The following GRAMD1B variants were observed in gnomAD, a reference collection of about 807,000 sequenced individuals.
The protein encoded by GRAMD1B is GRAM domain containing 1B, also known as protein Aster-B.
Under a neutral mutation model 99.7 loss-of-function variants are expected in GRAMD1B, and 37 were observed. The observed-to-expected ratio is 0.37, with a 90% CI of 0.29 to 0.49. The LOEUF (loss-of-function observed/expected upper bound fraction) is 0.49, where lower values mean the gene tolerates loss of function less well. Ranked by LOEUF, GRAMD1B falls within the 20% of genes least tolerant of loss-of-function variation. The pLI, the probability that GRAMD1B is intolerant of heterozygous loss-of-function variation, is 0.98. For missense variants in GRAMD1B, 888 were observed against 1,009.2 expected (o/e 0.88, Z 1.63); for synonymous variants, 427 against 387.6 (o/e 1.10, Z -1.19).
chr11:123,496,204 C>G (rs1161189939), intron 2 of GRAMD1B, among the ~76,000 whole-genome samples: 1 of 152,018 alleles, frequency 6.6e-6, no homozygotes, highest in Non-Finnish European at 1.5e-5. Context: ...CTCCCTTGTG[C>G]TTAAAGGTTA....
chr11:123,378,334 C>G (rs1377205974), intron 1 of GRAMD1B, among the ~76,000 whole-genome samples: 1 of 152,174 alleles, frequency 6.6e-6, no homozygotes, highest in Non-Finnish European at 1.5e-5. Context: ...TCTGCTACTC[C>G]CTAGCTGAAT....
intron 1 of GRAMD1B, among the ~76,000 whole-genome samples, chr11:123,448,459 A>G (rs181213416): frequency 9.5e-4 from 145 of 152,248 alleles, no homozygotes; most frequent in African/African-American, 3.2e-3. Context: ...GTCTCAAGCA[A>G]TTCGCCCGCC....
In GRAMD1B at chr11:123,430,969, G is replaced by C. The variant is rs1311615078; in HGVS notation, c.177G>C (p.Gly59=). The C allele has an allele frequency of 1.4e-6, 1 of 702,716 alleles. No individual in the cohort carries two copies. The highest frequency in any genetic ancestry group is 1.7e-5 in the African/African-American group (1 of 57,266). The allele number at this position is 702,716 out of a possible 1,614,324, so 43.5% of individuals were successfully genotyped here. The change falls in exon 1 of 20, where the codon GGG becomes GGC. Residue 59 remains glycine (G), a synonymous_variant. Coordinates refer to ENST00000635736, the MANE Select transcript of GRAMD1B (RefSeq NM_001387025.1). The part of the protein sequence containing the change: ...KNVQEQSLEA[G]LARDLPAVLA... The stretch of plus-strand genomic sequence containing the variant: ...TACAGGAGCAGAGCCTGGAGGCCGG[G>C]CTGGCCCGGGACCTGCCCGCCGTCT...
At chr11:123,453,318 A>G (rs1382704679) in intron 1 of GRAMD1B, among the ~76,000 whole-genome samples, 1 of 151,910 alleles carries the variant, frequency 6.6e-6, no homozygotes, top group Non-Finnish European at 1.5e-5. Context: ...ATATGCAAGT[A>G]TATATATCTT....
At position 123,430,531 on chromosome 11, in the gene GRAMD1B, G is replaced by C; in HGVS notation, c.-262G>C. 2.3e-6 allele frequency: 1 copy of C among 436,496 alleles called. No homozygotes were observed. The allele number at this position is 436,496 out of a possible 1,614,324, so 27.0% of individuals were successfully genotyped here. A position where few individuals can be genotyped will look rare whatever the true frequency, so the allele number is the denominator to read the frequency against. On this transcript the variant is annotated 5_prime_UTR_variant, in exon 1 of 20. Coordinates refer to ENST00000635736, the MANE Select transcript of GRAMD1B (RefSeq NM_001387025.1). The stretch of plus-strand genomic sequence containing the variant: ...GAGGGCTGCCGAGTGGCTGGCAGGC[G>C]GCTCCCGCCCCTCCCGGGTGGCCTC...
chr11:123,413,387 A>G (rs115084059), intron 1 of GRAMD1B, among the ~76,000 whole-genome samples: 1,757 of 152,240 alleles, frequency 0.012, 39 homozygotes, highest in African/African-American at 0.039. Flanking sequence ...CCTTCATTGC[A>G]TTAATGGCAG....
At chr11:123,479,371 A>G (rs1951467293) in intron 1 of GRAMD1B, among the ~76,000 whole-genome samples, 1 of 152,230 alleles carries the variant, frequency 6.6e-6, no homozygotes, top group African/African-American at 2.4e-5. Flanking sequence ...ACACTGGAGC[A>G]AGCACTTGCT....
intron 7 of GRAMD1B, chr11:123,598,269 C>T (rs1951533158): frequency 2.2e-6 from 3 of 1,352,642 alleles, no homozygotes; most frequent in East Asian, 4.6e-5. Context: ...GCATATACAG[C>T]CAGTAGGGAA....
chr11:123,467,220 C>T (rs557355924), intron 1 of GRAMD1B, among the ~76,000 whole-genome samples: 3 of 152,018 alleles, frequency 2.0e-5, no homozygotes, highest in African/African-American at 4.8e-5. Context: ...TGGTGGCTTT[C>T]GCCTGTAATC....
chr11:123,504,007 G>T (rs1940163113), intron 2 of GRAMD1B, among the ~76,000 whole-genome samples: 1 of 152,222 alleles, frequency 6.6e-6, no homozygotes, highest in Admixed American at 6.5e-5. Context: ...ATGTGCTAGA[G>T]TTTGAACTGG....
At chr11:123,418,049 A>G (rs1948293654) in intron 1 of GRAMD1B, among the ~76,000 whole-genome samples, 1 of 152,138 alleles carries the variant, frequency 6.6e-6, no homozygotes, top group African/African-American at 2.4e-5. Context: ...ATAGGAATGA[A>G]CCACTATGCC....
chr11:123,510,250 C>A lies in GRAMD1B; in HGVS notation c.452+29357C>A, dbSNP rs1464225633. ...CCCCCCGGCTCTTGCTCATTACCTG[C>A]CAGCTGGCCTCTTCCCACATGCCCC... On this transcript the variant is annotated intron_variant, in intron 2 of 19. Transcript: ENST00000635736. The surrounding 1 kb of genome is among the most constrained non-coding windows in gnomAD (Gnocchi z 4.3). Among the ~76,000 whole-genome samples, 3 of 152,166 alleles carry A rather than the reference C, an allele frequency of 2.0e-5. No homozygotes were observed. The highest frequency in any genetic ancestry group is 7.2e-5 in the African/African-American group (3 of 41,438).
rs140099287 is a variant in GRAMD1B, at chr11:123,453,466, G to A, written c.374+22300G>A. ...CAAGTAGCAGAAATTACAGGCACGCGCCACCACACACAGCTAATTTTTGTA... is the reference window on the plus strand; with the variant it reads ...CAAGTAGCAGAAATTACAGGCACGCACCACCACACACAGCTAATTTTTGTA... On this transcript the variant is annotated intron_variant, in intron 1 of 19. Transcript: ENST00000635736. Among the ~76,000 whole-genome samples, 1,301 of 152,026 alleles carry A rather than the reference G, an allele frequency of 8.6e-3. 23 individuals are homozygous for A. Among genetic ancestry groups the A allele is most frequent in the African/African-American group, 0.03 (1,223 of 41,444 alleles).
intron 12 of GRAMD1B, 113 bp from the exon 13 acceptor site, chr11:123,609,682 T>G: frequency 1.5e-6 from 1 of 648,490 alleles, no homozygotes; most frequent in Non-Finnish European, 2.7e-6. Context: ...GGCTTCCTTT[T>G]GGGGGCCAGG....
chr11:123,605,623 C>A, intron 10 of GRAMD1B, 145 bp downstream of exon 10: 1 of 664,194 alleles, frequency 1.5e-6, no homozygotes, highest in African/African-American at 1.8e-5. Flanking sequence ...CATTCTGGAG[C>A]AGATGGGCTC....
chr11:123,600,347 T>A, intron 7 of GRAMD1B, 121 bp from the exon 8 acceptor site: 1 of 638,204 alleles, frequency 1.6e-6, no homozygotes, highest in Non-Finnish European at 2.7e-6. Context: ...CACAGGTAAC[T>A]GAGAGTCATT....
intron 1 of GRAMD1B, among the ~76,000 whole-genome samples, chr11:123,462,582 G>A (rs1426018471): frequency 6.6e-6 from 1 of 152,182 alleles, no homozygotes; most frequent in African/African-American, 2.4e-5. Flanking sequence ...CCAAGTGAAT[G>A]CTACGCTCCA....
chr11:123,581,457 C>T (rs1226575524), intron 3 of GRAMD1B, among the ~76,000 whole-genome samples: 1 of 152,214 alleles, frequency 6.6e-6, no homozygotes, highest in African/African-American at 2.4e-5. Context: ...TCCCGTCTGG[C>T]AGAGCCTTTG....
At position 123,591,879 on chromosome 11, in the gene GRAMD1B, C is replaced by G. The variant is rs1462271617; in HGVS notation, c.685-2203C>G. Among the ~76,000 whole-genome samples the G allele has an allele frequency of 1.3e-5, 2 of 152,186 alleles. No homozygotes were observed. Among genetic ancestry groups the G allele is most frequent in the African/African-American group, 4.8e-5 (2 of 41,444 alleles). On this transcript the variant is annotated intron_variant, in intron 4 of 19. Transcript: ENST00000635736. This position sits in a 1 kb window ranked among gnomAD's most constrained non-coding sequence, Gnocchi z 4.7. Reference sequence around the variant, plus strand: ...TGACTTAGCAGGCCAGGGCTGGATTCACTCTCCCCTCTCCCTGCCACTGCT... The same window carrying G: ...TGACTTAGCAGGCCAGGGCTGGATTGACTCTCCCCTCTCCCTGCCACTGCT...
Sources: gnomAD v4.1 joint callset for allele counts (sites outside exome capture counted in the v4.1 genomes callset) on GRCh38, gnomAD v4.1.1 for gene constraint, Gnocchi (gnomAD v3.1) non-coding constraint, MANE v1.5 for transcripts, NCBI Gene and HGNC (gene_info 2026-07-23, HGNC 2026-07-21) for gene names.